Variants in HDAC8 observed in about 807,000 individuals in gnomAD.
The protein encoded by HDAC8 is histone deacetylase-like 1.
A neutral mutation model predicts 32.2 loss-of-function variants in HDAC8; 1 was observed. The ratio of observed to expected loss-of-function variants is 0.03; its 90% CI spans 0.01 to 0.15. HDAC8 has a LOEUF of 0.15. Ranked by LOEUF, HDAC8 falls within the 10% of genes least tolerant of loss-of-function variation. The probability of loss-of-function intolerance (pLI) is 1.00; values close to 1 mark genes in which losing one functional copy is unlikely to be tolerated. For missense variants in HDAC8, 117 were observed against 300.0 expected (o/e 0.39, Z 4.51); for synonymous variants, 108 against 113.9 (o/e 0.95, Z 0.33).
chrX:72,468,870 A>G (rs537569781), intron 7 of HDAC8, among the ~76,000 whole-genome samples: 20 of 112,163 alleles, frequency 1.8e-4, no homozygotes, highest in African/African-American at 4.5e-4. Context: ...TACGTTGGGC[A>G]ATGGGTTCAC....
chrX:72,340,112 G>A (rs1218103657), intron 10 of HDAC8, among the ~76,000 whole-genome samples: 4 of 111,766 alleles, frequency 3.6e-5, no homozygotes. Context: ...AAACAGAACC[G>A]AAGCAATTTC....
chrX:72,399,415 A>G (rs1555966650), intron 9 of HDAC8, among the ~76,000 whole-genome samples: 1 of 112,337 alleles, frequency 8.9e-6, no homozygotes. Context: ...TCTGATAAGA[A>G]TAAGTTATTG....
chrX:72,533,834 C>A (rs782228338), intron 4 of HDAC8, among the ~76,000 whole-genome samples: 3 of 111,363 alleles, frequency 2.7e-5, no homozygotes, highest in Non-Finnish European at 5.7e-5. Context: ...TATAAACACT[C>A]ACTAGGAATA....
At chrX:72,414,051 GTGGACTGGCC>G in intron 9 of HDAC8, among the ~76,000 whole-genome samples, 1 of 112,065 alleles carries the variant, frequency 8.9e-6, no homozygotes, top group East Asian at 2.8e-4. Flanking sequence ...AAACTATAGA[GTGGACTGGCC>G]TGGGTTATCT....
At chrX:72,396,544 A>G (rs2045768503) in intron 9 of HDAC8, among the ~76,000 whole-genome samples, 1 of 112,655 alleles carries the variant, frequency 8.9e-6, no homozygotes, top group Admixed American at 9.4e-5. Flanking sequence ...GTGATGTTTT[A>G]ATATATACAT....
intron 9 of HDAC8, among the ~76,000 whole-genome samples, chrX:72,453,464 T>TAAGAAAGAAAGAAAG (rs2047629603): frequency 1.5e-5 from 1 of 67,247 alleles, no homozygotes; most frequent in African/African-American, 6.1e-5. Context: ...CTCTTAAAAA[T>TAAGAAAGAAAGAAAG]AAAGAAAGAA....
chrX:72,478,626 C>A (rs1263602372), intron 7 of HDAC8, among the ~76,000 whole-genome samples: 1 of 106,307 alleles, frequency 9.4e-6, no homozygotes, highest in Non-Finnish European at 1.9e-5. Flanking sequence ...TTTGATATAG[C>A]TTTTTTTGAG....
At chrX:72,562,311 A>G (rs1231159459) in intron 4 of HDAC8, among the ~76,000 whole-genome samples, 1 of 112,708 alleles carries the variant, frequency 8.9e-6, no homozygotes, top group Admixed American at 9.4e-5. Context: ...GTGGATAAAG[A>G]AAATGTTTTA....
At chrX:72,467,373 C>A (rs1555995343) in intron 7 of HDAC8, 1 of 111,317 alleles carries the variant, frequency 9.0e-6, no homozygotes, top group Non-Finnish European at 1.9e-5. Flanking sequence ...TTTTTTGCAA[C>A]CTTCTGTGAA....
rs145285922 is a variant in HDAC8 at position 72,370,639 on chromosome X, G to A, written c.1006-18801C>T. Reference sequence around the variant, plus strand: ...CTCCCAAAGTGCTGGGATTACAGGCGTGAGCCACTGTGCCCGGCCAAAGGG... The same window carrying A: ...CTCCCAAAGTGCTGGGATTACAGGCATGAGCCACTGTGCCCGGCCAAAGGG... On this transcript the variant is annotated intron_variant, in intron 9 of 10. Transcript: ENST00000373573. Among the ~76,000 whole-genome samples the A allele has an allele frequency of 7.4e-3, 829 of 112,237 alleles. 7 individuals are homozygous for A. Among genetic ancestry groups the A allele is most frequent in the Non-Finnish European group, 0.012 (623 of 53,231 alleles).
At chrX:72,356,086 T>C (rs1555950684) in intron 9 of HDAC8, among the ~76,000 whole-genome samples, 1 of 112,218 alleles carries the variant, frequency 8.9e-6, no homozygotes, top group Non-Finnish European at 1.9e-5. Context: ...CAGTAGGTAC[T>C]ACTATTGTTT....
At chrX:72,541,963 C>T in intron 4 of HDAC8, among the ~76,000 whole-genome samples, 1 of 111,738 alleles carries the variant, frequency 8.9e-6, no homozygotes, top group African/African-American at 3.3e-5. Context: ...TCCTTTGATA[C>T]TTCTATGTAC....
intron 9 of HDAC8, among the ~76,000 whole-genome samples, chrX:72,444,304 C>T (rs1489575388): frequency 5.5e-5 from 6 of 108,476 alleles, no homozygotes; most frequent in South Asian, 8.2e-4. Flanking sequence ...ACCGGCAAAC[C>T]GAATCCAGCA....
At chrX:72,554,259 A>G (rs1556084784) in intron 4 of HDAC8, among the ~76,000 whole-genome samples, 3 of 110,753 alleles carry the variant, frequency 2.7e-5, no homozygotes, top group African/African-American at 6.6e-5. Context: ...GCATGTGGAG[A>G]CTCACATCAT....
At chrX:72,569,026 G>A in intron 2 of HDAC8, 142 bp from the exon 3 acceptor site, 1 of 581,734 alleles carries the variant, frequency 1.7e-6, no homozygotes, top group Non-Finnish European at 2.6e-6. Context: ...AACATATTCT[G>A]TTCTTCCACT....
intron 9 of HDAC8, among the ~76,000 whole-genome samples, chrX:72,447,783 A>G (rs911188047): frequency 1.8e-5 from 2 of 112,030 alleles, no homozygotes; most frequent in Non-Finnish European, 3.8e-5. Flanking sequence ...AAGCATTCCT[A>G]TACATCAACA....
chrX:72,427,602 T>TGGGG (rs58102359), intron 9 of HDAC8, among the ~76,000 whole-genome samples: 37 of 32,912 alleles, frequency 1.1e-3, no homozygotes, highest in East Asian at 3.0e-3. Flanking sequence ...TGTTGTGGGG[T>TGGGG]GGGGGGGGGG....
At chrX:72,509,105 A>AT (rs782661463) in intron 4 of HDAC8, among the ~76,000 whole-genome samples, 6,136 of 101,461 alleles carry the variant, frequency 0.06, 428 homozygotes, top group African/African-American at 0.2. Context: ...CCTCTTATCA[A>AT]TTTTTTTTTT....
At chrX:72,368,788 C>T (rs377387893) in intron 9 of HDAC8, among the ~76,000 whole-genome samples, 4 of 112,576 alleles carry the variant, frequency 3.6e-5, no homozygotes, top group African/African-American at 1.3e-4. Context: ...CTTAGCACAA[C>T]GCAGGGCACA....
Sources: allele counts gnomAD v4.1 joint callset (sites outside exome capture counted in the v4.1 genomes callset), GRCh38; gene constraint gnomAD v4.1.1; transcripts MANE v1.5; gene names NCBI Gene and HGNC (gene_info 2026-07-23, HGNC 2026-07-21).